The following DSCAM variants were observed in gnomAD, a reference collection of about 807,000 sequenced individuals.
DSCAM encodes cell adhesion molecule DSCAM.
DSCAM carries 47 observed loss-of-function variants against 217.7 expected under a neutral mutation model. The ratio of observed to expected loss-of-function variants is 0.22; its 90% confidence interval spans 0.17 to 0.28. DSCAM has a LOEUF of 0.28. Ranked by LOEUF, DSCAM falls within the 10% of genes least tolerant of loss-of-function variation. DSCAM has a pLI of 1.00. For missense variants in DSCAM, 2,080 were observed against 2,618.3 expected (o/e 0.79, Z 4.49); for synonymous variants, 1,056 against 1,015.3 (o/e 1.04, Z -0.76).
chr21:40,613,524 A>C (rs1163081120), intron 3 of DSCAM, among the ~76,000 whole-genome samples: 3 of 152,276 alleles, frequency 2.0e-5, no homozygotes, highest in Admixed American at 6.5e-5. Context: ...AGTCTCTAAG[A>C]AAACCTTCTG....
chr21:40,474,330 C>A (rs149316918), intron 3 of DSCAM, among the ~76,000 whole-genome samples: 2 of 151,668 alleles, frequency 1.3e-5, no homozygotes, highest in East Asian at 1.9e-4. Context: ...AAAAACACAA[C>A]CAAAAATACA....
At chr21:40,594,972 C>T (rs961403446) in intron 3 of DSCAM, among the ~76,000 whole-genome samples, 2 of 152,200 alleles carry the variant, frequency 1.3e-5, no homozygotes, top group Non-Finnish European at 2.9e-5. Context: ...GCAACCAACA[C>T]TTACTGGGTG....
chr21:40,569,562 TCAGA>T (rs921906699), intron 3 of DSCAM, among the ~76,000 whole-genome samples: 2 of 152,172 alleles, frequency 1.3e-5, no homozygotes, highest in African/African-American at 4.8e-5. Context: ...CCTACGGATT[TCAGA>T]CACTCTCAGC....
intron 3 of DSCAM, among the ~76,000 whole-genome samples, chr21:40,562,712 T>C (rs578051144): frequency 2.6e-5 from 4 of 152,342 alleles, no homozygotes; most frequent in African/African-American, 7.2e-5. Flanking sequence ...CGCTCTGCTA[T>C]GTGTATGAGC....
intron 19 of DSCAM, among the ~76,000 whole-genome samples, chr21:40,124,731 A>G (rs430434): frequency 0.95 from 144,885 of 152,172 alleles, 69,304 homozygotes; most frequent in South Asian, 1. Context: ...AAAGCTCTTA[A>G]AGAGAACCAG....
At chr21:40,469,348 TTAGGAAA>T (rs1397258257) in intron 3 of DSCAM, among the ~76,000 whole-genome samples, 1 of 152,004 alleles carries the variant, frequency 6.6e-6, no homozygotes, top group Admixed American at 6.6e-5. Context: ...AGCACAGGAT[TTAGGAAA>T]TAGGAAATCC....
At chr21:40,348,474 A>G (rs73355341) in intron 5 of DSCAM, among the ~76,000 whole-genome samples, 3,030 of 149,926 alleles carry the variant, frequency 0.02, 88 homozygotes, top group African/African-American at 0.071. Flanking sequence ...CATTATTGCA[A>G]TCATACCCAC....
At chr21:40,554,685 T>C (rs943814695) in intron 3 of DSCAM, among the ~76,000 whole-genome samples, 12 of 152,238 alleles carry the variant, frequency 7.9e-5, no homozygotes, top group Admixed American at 2.0e-4. Flanking sequence ...TTTAAAATTA[T>C]AGAGGTAATT....
intron 3 of DSCAM, among the ~76,000 whole-genome samples, chr21:40,438,857 G>C (rs751154149): frequency 2.6e-5 from 4 of 152,086 alleles, no homozygotes; most frequent in Non-Finnish European, 5.9e-5. Context: ...ACACACTCTA[G>C]GGGATGCCAA....
intron 2 of DSCAM, among the ~76,000 whole-genome samples, chr21:40,698,478 A>G (rs1020981347): frequency 3.9e-5 from 6 of 152,208 alleles, no homozygotes; most frequent in East Asian, 1.9e-4. Flanking sequence ...TACTCAATCA[A>G]TGAGGAACTG....
At chr21:40,448,061 C>T (rs898896042) in intron 3 of DSCAM, among the ~76,000 whole-genome samples, 1 of 152,178 alleles carries the variant, frequency 6.6e-6, no homozygotes, top group Admixed American at 6.5e-5. Flanking sequence ...AATAGGTCAA[C>T]ATGGAAATCA....
chr21:40,046,594 A>G (rs1156320276), intron 30 of DSCAM, among the ~76,000 whole-genome samples: 1 of 152,210 alleles, frequency 6.6e-6, no homozygotes, highest in Non-Finnish European at 1.5e-5. Flanking sequence ...TATCGACTTG[A>G]TAAGTGGAGC....
chr21:40,640,136 TGCAGAGAGGAAAATCAAGAGAAGTG>T (rs71330398), intron 3 of DSCAM, among the ~76,000 whole-genome samples: 480 of 148,278 alleles, frequency 3.2e-3, no homozygotes, highest in Non-Finnish European at 5.9e-3. Flanking sequence ...TCAAAGCAGC[TGCAGAGAGGAAAATCAAGAGAAGTG>T]GCAGAGAGGA....
At chr21:40,139,429 G>A (rs1181240399) in intron 18 of DSCAM, among the ~76,000 whole-genome samples, 1 of 151,968 alleles carries the variant, frequency 6.6e-6, no homozygotes, top group African/African-American at 2.4e-5. Context: ...AAGCGGGGAG[G>A]GGACTTACAG....
At chr21:40,649,336 T>A (rs2089986927) in intron 3 of DSCAM, among the ~76,000 whole-genome samples, 1 of 152,126 alleles carries the variant, frequency 6.6e-6, no homozygotes, top group African/African-American at 2.4e-5. Context: ...ACATCCCACC[T>A]GGAACCTCCA....
chr21:40,063,675 G>A (rs1324207183), intron 27 of DSCAM, among the ~76,000 whole-genome samples: 2 of 152,154 alleles, frequency 1.3e-5, no homozygotes, highest in Non-Finnish European at 2.9e-5. Flanking sequence ...ACTGTTCAAT[G>A]AACAGAACTT....
chr21:40,214,075 C>A (rs1786555931), intron 11 of DSCAM, among the ~76,000 whole-genome samples: 1 of 152,216 alleles, frequency 6.6e-6, no homozygotes, highest in Non-Finnish European at 1.5e-5. Context: ...CGAAGCGAGA[C>A]ATCAGGCAAT....
intron 3 of DSCAM, among the ~76,000 whole-genome samples, chr21:40,521,565 A>AT (rs140571543): frequency 0.26 from 39,008 of 151,512 alleles, 6,015 homozygotes; most frequent in African/African-American, 0.41. Context: ...CTTCTTTTTA[A>AT]TTTTTTTTGC....
chr21:40,759,571 C>G lies in DSCAM; in HGVS notation c.44-50800G>C, dbSNP rs139791364. Among the ~76,000 whole-genome samples the G allele has an allele frequency of 3.7e-3, 558 of 152,314 alleles. 3 individuals carry two copies. Among genetic ancestry groups the G allele is most frequent in the African/African-American group, 0.013 (527 of 41,570 alleles). Reference sequence around the variant, plus strand: ...CCCCCAGTCAAGGTGCACCTGCAGGCTAATTATGCACATCAATACGGCGGG... The same window carrying G: ...CCCCCAGTCAAGGTGCACCTGCAGGGTAATTATGCACATCAATACGGCGGG... On this transcript the variant is annotated intron_variant, in intron 1 of 32. Coordinates refer to ENST00000400454, the MANE Select transcript of DSCAM (RefSeq NM_001389.5).
Sources: allele counts gnomAD v4.1 joint callset (sites outside exome capture counted in the v4.1 genomes callset), GRCh38; gene constraint gnomAD v4.1.1; transcripts MANE v1.5; gene names NCBI Gene and HGNC (gene_info 2026-07-23, HGNC 2026-07-21).